Variants in ABI3BP observed in about 807,000 individuals in gnomAD.
The protein encoded by ABI3BP is ABI family member 3 binding protein.
A neutral mutation model predicts 268.6 loss-of-function variants in ABI3BP; 216 were observed. That is an observed-to-expected ratio of 0.80 (90% CI 0.72 to 0.90). The LOEUF (loss-of-function observed/expected upper bound fraction) is 0.90, where lower values mean the gene tolerates loss of function less well. Among genes scored for constraint, ABI3BP ranks in the 40% least tolerant of loss-of-function variants. The pLI is 0.00. For synonymous variants in ABI3BP, 730 were observed against 730.0 expected, an observed-to-expected ratio of 1.00 and a Z score of 0.00; for missense variants, 2,090 against 2,182.4, an observed-to-expected ratio of 0.96 and a Z score of 0.84.
At chr3:100,775,556 A>T (rs1261401287) in intron 59 of ABI3BP, among the ~76,000 whole-genome samples, 1 of 152,142 alleles carries the variant, frequency 6.6e-6, no homozygotes, top group East Asian at 1.9e-4. Flanking sequence ...ACTAGATAAC[A>T]TCACAGAGGG....
At chr3:100,777,272 G>A (rs2096731861) in intron 59 of ABI3BP, among the ~76,000 whole-genome samples, 1 of 152,158 alleles carries the variant, frequency 6.6e-6, no homozygotes, top group African/African-American at 2.4e-5. Flanking sequence ...AAATATTTCG[G>A]AAGTAGTGTT....
chr3:100,839,982 TA>T, intron 23 of ABI3BP, 89 bp downstream of exon 23: 2 of 1,104,652 alleles, frequency 1.8e-6, no homozygotes, highest in Non-Finnish European at 2.6e-6. Flanking sequence ...CACTGGTTCC[TA>T]AAGCCCAGTT....
At chr3:100,911,546 T>C in intron 2 of ABI3BP, 1 of 590,150 alleles carries the variant, frequency 1.7e-6, no homozygotes, top group Middle Eastern at 4.8e-4. Context: ...GCATTACATA[T>C]TTTATCTTAT....
At chr3:100,835,136 G>T (rs1027247131) in intron 28 of ABI3BP, among the ~76,000 whole-genome samples, 4 of 152,128 alleles carry the variant, frequency 2.6e-5, no homozygotes, top group African/African-American at 9.7e-5. Flanking sequence ...AAATTACTTG[G>T]CTCAGACACA....
At chr3:100,840,897 A>G (rs931127397) in intron 21 of ABI3BP, 39 bp from the exon 22 acceptor site, 1 of 1,491,302 alleles carries the variant, frequency 6.7e-7, no homozygotes, top group Admixed American at 2.0e-5. Flanking sequence ...AAGAATCAAG[A>G]TCAAAGGAAA....
chr3:100,904,595 G>A (rs564965176), intron 2 of ABI3BP, among the ~76,000 whole-genome samples: 15 of 152,294 alleles, frequency 9.8e-5, no homozygotes, highest in South Asian at 6.2e-4. Context: ...GTGAGAGACC[G>A]TACTTTCCAT....
chr3:100,908,262 T>G (rs987661179), intron 2 of ABI3BP, among the ~76,000 whole-genome samples: 1 of 152,136 alleles, frequency 6.6e-6, no homozygotes, highest in Non-Finnish European at 1.5e-5. Flanking sequence ...CTAAATCAAA[T>G]GTATGATCCT....
intron 1 of ABI3BP, among the ~76,000 whole-genome samples, chr3:100,974,796 TTAAGATA>T (rs1297986428): frequency 3.9e-5 from 6 of 152,314 alleles, no homozygotes; most frequent in African/African-American, 1.4e-4. Context: ...ATTACCTAGA[TTAAGATA>T]TAACTACAGA....
chr3:100,827,860 C>G (rs1372915330), intron 34 of ABI3BP, among the ~76,000 whole-genome samples: 3 of 152,046 alleles, frequency 2.0e-5, no homozygotes, highest in Non-Finnish European at 4.4e-5. Context: ...GCAATTTATA[C>G]TAAGGATACA....
chr3:100,809,778 T>C (rs2097802842), intron 49 of ABI3BP, among the ~76,000 whole-genome samples: 1 of 152,136 alleles, frequency 6.6e-6, no homozygotes, highest in African/African-American at 2.4e-5. Flanking sequence ...GAGGACTTTT[T>C]AAAACAAGAA....
At position 100,850,057 on chromosome 3, in the gene ABI3BP, G is replaced by C; in HGVS notation, c.1489C>G (p.Pro497Ala). 1 of 1,611,380 alleles carries C rather than the reference G, an allele frequency of 6.2e-7. No homozygotes were observed. The highest frequency in any genetic ancestry group is 1.3e-5 in the African/African-American group (1 of 75,012). Residue 497 changes from proline to alanine, a missense_variant, in exon 17 of 68, where the codon CCT becomes GCT. Coordinates refer to ENST00000471714, the MANE Select transcript of ABI3BP (RefSeq NM_001375547.2). Reference protein sequence around the residue: ...LEIFTSPEMQPTTPAPQQTTS... With the variant: ...LEIFTSPEMQATTPAPQQTTS... ...TGTCATTAGTTACCAGGTGTCGTAG[G>C]CTGCATTTCTGGACTGGTAAAGATT...
chr3:100,842,846 ATTGT>A (rs946565218), intron 20 of ABI3BP, among the ~76,000 whole-genome samples: 11 of 152,342 alleles, frequency 7.2e-5, no homozygotes, highest in Non-Finnish European at 1.3e-4. Flanking sequence ...TTAAAAAGGA[ATTGT>A]TTATTTTTGA....
At chr3:100,907,166 A>T (rs1032404033) in intron 2 of ABI3BP, among the ~76,000 whole-genome samples, 2 of 152,240 alleles carry the variant, frequency 1.3e-5, no homozygotes, top group African/African-American at 4.8e-5. Flanking sequence ...AGGAAAAATC[A>T]TACCTAGTCT....
At chr3:100,971,904 G>A (rs2083769129) in intron 1 of ABI3BP, among the ~76,000 whole-genome samples, 1 of 152,080 alleles carries the variant, frequency 6.6e-6, no homozygotes, top group Admixed American at 6.6e-5. Flanking sequence ...CAGAAAGGAG[G>A]TGTGAGGATT....
intron 1 of ABI3BP, among the ~76,000 whole-genome samples, chr3:100,943,811 A>G (rs1299026676): frequency 6.6e-6 from 1 of 152,092 alleles, no homozygotes; most frequent in Non-Finnish European, 1.5e-5. Flanking sequence ...TGTCTTCATA[A>G]TCAGCCTCTT....
At chr3:100,905,633 T>A (rs968228733) in intron 2 of ABI3BP, among the ~76,000 whole-genome samples, 1 of 152,112 alleles carries the variant, frequency 6.6e-6, no homozygotes, top group African/African-American at 2.4e-5. Context: ...ACAGCTGAAT[T>A]AGTTTTGTGC....
intron 11 of ABI3BP, 71 bp from the exon 12 acceptor site, chr3:100,864,147 T>C (rs2099026477): frequency 4.1e-6 from 4 of 974,880 alleles, no homozygotes. Context: ...ACCATGATCA[T>C]GCACAGCAAG....
chr3:100,851,965 CA>C (rs2098846059), intron 14 of ABI3BP, 25 bp from the exon 15 acceptor site: 3 of 1,348,928 alleles, frequency 2.2e-6, no homozygotes, highest in Non-Finnish European at 3.0e-6. Context: ...AAAGGCAAAA[CA>C]AGAGAGATGT....
chr3:100,979,209 T>C (rs940850067), intron 1 of ABI3BP, among the ~76,000 whole-genome samples: 1 of 152,190 alleles, frequency 6.6e-6, no homozygotes, highest in South Asian at 2.1e-4. Flanking sequence ...CTCCATATAC[T>C]GAGAGTGAGA....
Sources: allele counts gnomAD v4.1 joint callset (sites outside exome capture counted in the v4.1 genomes callset), GRCh38; gene constraint gnomAD v4.1.1; transcripts MANE v1.5; gene names NCBI Gene and HGNC (gene_info 2026-07-23, HGNC 2026-07-21).